Variants in VDAC1 observed in about 807,000 individuals in gnomAD.
VDAC1 encodes the protein non-selective voltage-gated ion channel VDAC1.
In VDAC1, 10 loss-of-function variants were observed where a neutral mutation model predicts 34.7. That is an observed-to-expected ratio of 0.29 (90% confidence interval 0.18 to 0.49). The LOEUF is 0.49. Ranked by LOEUF, VDAC1 falls within the 20% of genes least tolerant of loss-of-function variation. The pLI is 0.99. For synonymous variants in VDAC1, 130 were observed against 136.0 expected (o/e 0.96, Z 0.30); for missense variants, 230 against 347.9 (o/e 0.66, Z 2.69).
At chr5:133,996,544 T>G (rs924496002) in intron 1 of VDAC1, among the ~76,000 whole-genome samples, 2 of 151,866 alleles carry the variant, frequency 1.3e-5, no homozygotes, top group African/African-American at 4.8e-5. Flanking sequence ...GCTGCTGTGC[T>G]CACCGTGCCC....
chr5:134,056,312 G>T, the VDAC1 span, among the ~76,000 whole-genome samples: 1 of 150,056 alleles, frequency 6.7e-6, no homozygotes, highest in Non-Finnish European at 1.5e-5. Context: ...TATGATTTTT[G>T]CATAAATCAG....
chr5:134,108,118 G>A, the VDAC1 span, among the ~76,000 whole-genome samples: 3 of 152,188 alleles, frequency 2.0e-5, no homozygotes, highest in Non-Finnish European at 4.4e-5. Context: ...ACCTGGGGAG[G>A]CGGGGAGGCT....
At chr5:134,051,974 A>G in the VDAC1 span, among the ~76,000 whole-genome samples, 1 of 152,096 alleles carries the variant, frequency 6.6e-6, no homozygotes, top group East Asian at 1.9e-4. Context: ...CTGGGATTAC[A>G]GGGGTGAGCC....
chr5:134,042,762 A>G, the VDAC1 span, among the ~76,000 whole-genome samples: 1 of 152,188 alleles, frequency 6.6e-6, no homozygotes, highest in Non-Finnish European at 1.5e-5. Context: ...GCTGGGGATT[A>G]CAGGCGTGAG....
At chr5:133,985,193 T>C (rs2126944774) in intron 5 of VDAC1, among the ~76,000 whole-genome samples, 1 of 152,332 alleles carries the variant, frequency 6.6e-6, no homozygotes, top group East Asian at 1.9e-4. Flanking sequence ...GTCTCTTTCT[T>C]TGGCTGCTCA....
Position 134,004,417 on chromosome 5 carries a change from C to T in VDAC1, c.-7+478G>A, listed in dbSNP as rs555373285. 2.1e-3 allele frequency: 316 copies of T among 152,246 alleles called. 3 individuals carry two copies. Among genetic ancestry groups the T allele is most frequent in the Admixed American group, 0.019 (294 of 15,264 alleles). The allele number at this position is 152,246 out of a possible 1,614,324, so 9.4% of individuals were successfully genotyped here. On this transcript the variant is annotated intron_variant, in intron 1 of 8. Coordinates refer to ENST00000265333, the MANE Select transcript of VDAC1 (RefSeq NM_003374.3). ...CCAGCCGCAGGCGTCTCTGGACCCTCGGCCTCGCGCTCCCCAGCCCAGACC... is the reference window on the plus strand; with the variant it reads ...CCAGCCGCAGGCGTCTCTGGACCCTTGGCCTCGCGCTCCCCAGCCCAGACC...
the VDAC1 span, among the ~76,000 whole-genome samples, chr5:134,011,349 CTT>C: frequency 6.6e-6 from 1 of 152,078 alleles, no homozygotes; most frequent in Non-Finnish European, 1.5e-5. Context: ...TTGTTGAACT[CTT>C]TAAGTTCCTT....
chr5:134,023,620 C>A, the VDAC1 span, among the ~76,000 whole-genome samples: 34 of 152,256 alleles, frequency 2.2e-4, no homozygotes, highest in African/African-American at 4.1e-4. Flanking sequence ...ATTTATTGAG[C>A]TCCTACCATG....
the VDAC1 span, among the ~76,000 whole-genome samples, chr5:134,112,047 G>A: frequency 9.3e-5 from 14 of 150,692 alleles, no homozygotes; most frequent in Admixed American, 8.6e-4. Context: ...TTGTGTAGAC[G>A]ATGGTGAAGG....
chr5:134,016,135 G>A, the VDAC1 span, among the ~76,000 whole-genome samples: 1 of 152,178 alleles, frequency 6.6e-6, no homozygotes, highest in Admixed American at 6.5e-5. Flanking sequence ...GGCCGGGTGT[G>A]GTATTAAAAT....
At chr5:133,975,787 A>G (rs1404227815) in intron 7 of VDAC1, 84 bp downstream of exon 7, 3 of 1,566,768 alleles carry the variant, frequency 1.9e-6, no homozygotes, top group African/African-American at 2.7e-5. Flanking sequence ...AAGCTGAAGC[A>G]CAGCACTCCA....
chr5:134,081,762 C>T, the VDAC1 span, among the ~76,000 whole-genome samples: 2 of 152,038 alleles, frequency 1.3e-5, no homozygotes, highest in Non-Finnish European at 2.9e-5. Context: ...CCCCATTTTG[C>T]TTCCTCTAAG....
At chr5:134,072,906 G>A in the VDAC1 span, among the ~76,000 whole-genome samples, 1 of 152,204 alleles carries the variant, frequency 6.6e-6, no homozygotes, top group Non-Finnish European at 1.5e-5. Context: ...AAACCCCAGA[G>A]CACTTCCCAA....
At chr5:134,014,325 A>G in the VDAC1 span, among the ~76,000 whole-genome samples, 2 of 152,194 alleles carry the variant, frequency 1.3e-5, no homozygotes, top group Non-Finnish European at 2.9e-5. Context: ...CAAGTGGTCA[A>G]CAAACATGAA....
At chr5:133,980,541 A>G (rs953489823) in intron 6 of VDAC1, among the ~76,000 whole-genome samples, 188 bp downstream of exon 6, 5 of 151,274 alleles carry the variant, frequency 3.3e-5, no homozygotes, top group African/African-American at 1.2e-4. Flanking sequence ...ACTCCAGGAA[A>G]TGGGTAGGTG....
At chr5:134,032,606 T>C in the VDAC1 span, among the ~76,000 whole-genome samples, 1 of 152,102 alleles carries the variant, frequency 6.6e-6, no homozygotes, top group Non-Finnish European at 1.5e-5. Context: ...GACCCCACAA[T>C]GGAGTAGTAT....
At chr5:133,983,040 G>A (rs1752761457) in intron 5 of VDAC1, among the ~76,000 whole-genome samples, 2 of 151,436 alleles carry the variant, frequency 1.3e-5, no homozygotes, top group South Asian at 2.1e-4. Flanking sequence ...ACCTGAGGTC[G>A]GGAGTTCGAG....
chr5:133,996,019 A>C (rs1011209406), intron 1 of VDAC1, among the ~76,000 whole-genome samples: 2 of 151,966 alleles, frequency 1.3e-5, no homozygotes, highest in South Asian at 4.2e-4. Context: ...TCCACCCCCC[A>C]GGGGCCTTCA....
At chr5:133,981,047 A>C in intron 5 of VDAC1, 91 bp from the exon 6 acceptor site, 2 of 1,145,172 alleles carry the variant, frequency 1.7e-6, no homozygotes, top group Non-Finnish European at 2.5e-6. Context: ...AGGTCAAATA[A>C]AGGGAGTGGG....
Sources: allele counts gnomAD v4.1 joint callset (sites outside exome capture counted in the v4.1 genomes callset), GRCh38; gene constraint gnomAD v4.1.1; transcripts MANE v1.5; gene names NCBI Gene and HGNC (gene_info 2026-07-23, HGNC 2026-07-21).